Variants in CCDC88C observed in about 807,000 individuals in gnomAD.
CCDC88C encodes protein Daple.
In CCDC88C, 131 loss-of-function variants were observed where a neutral mutation model predicts 198.8. That is an observed-to-expected ratio of 0.66 (90% confidence interval 0.57 to 0.76). CCDC88C has a LOEUF of 0.76. CCDC88C is among the 30% of genes least tolerant of loss of function. The pLI, the probability that CCDC88C is intolerant of heterozygous loss-of-function variation, is 0.00. For synonymous variants in CCDC88C, 1,166 were observed against 1,114.7 expected (o/e 1.05, Z -0.92); for missense variants, 2,553 against 2,631.6 (o/e 0.97, Z 0.65).
chr14:91,372,469 C>T (rs550905342), intron 3 of CCDC88C, among the ~76,000 whole-genome samples: 22 of 136,720 alleles, frequency 1.6e-4, no homozygotes, highest in African/African-American at 3.0e-4. Context: ...AGGAGGTGGC[C>T]GGAAGCTGAA....
chr14:91,381,511 AG>A lies in CCDC88C; in HGVS notation c.271-21801del, dbSNP rs1884788492. Among the ~76,000 whole-genome samples, 4 of 152,350 alleles carry A rather than the reference AG, an allele frequency of 2.6e-5. No individual in the cohort carries two copies. The highest frequency in any genetic ancestry group is 2.6e-4 in the Admixed American group (4 of 15,310). On this transcript the variant is annotated intron_variant, in intron 3 of 29. Transcript: ENST00000389857. This position sits in a 1 kb window ranked among gnomAD's most constrained non-coding sequence, Gnocchi z 4.2. Reference sequence around the variant, plus strand: ...ACTTTCTGCCCCAGGTGGCCCCTGCAGGGGACTGCAGACTGTCTTCCATTCA... The same window carrying A: ...ACTTTCTGCCCCAGGTGGCCCCTGCAGGGACTGCAGACTGTCTTCCATTCA...
intron 28 of CCDC88C, 124 bp downstream of exon 28, chr14:91,279,114 G>T: frequency 1.3e-6 from 1 of 748,118 alleles, no homozygotes; most frequent in South Asian, 1.5e-5. Flanking sequence ...TTCCCAGGCT[G>T]GTTTCTAACT....
chr14:91,388,661 A>C (rs1484763679), intron 3 of CCDC88C, among the ~76,000 whole-genome samples: 3 of 152,226 alleles, frequency 2.0e-5, no homozygotes, highest in African/African-American at 7.2e-5. Flanking sequence ...GCCACTCGCA[A>C]AACAGAGAAT....
At position 91,325,007 on chromosome 14, in the gene CCDC88C, G is replaced by C; in HGVS notation, c.1198-84C>G. On this transcript the variant is annotated intron_variant, in intron 11 of 29. Transcript: ENST00000389857. The surrounding 1 kb of genome is among the most constrained non-coding windows in gnomAD (Gnocchi z 4.1). ...AAGCCTCAGCCCCTGTATAGCTACCGTCATGTGCTGTGGATGAAGATGTAC... is the reference window on the plus strand; with the variant it reads ...AAGCCTCAGCCCCTGTATAGCTACCCTCATGTGCTGTGGATGAAGATGTAC... 6.5e-7 allele frequency: 1 copy of C among 1,527,598 alleles called. No homozygotes were observed. Among genetic ancestry groups the C allele is most frequent in the Non-Finnish European group, 9.0e-7 (1 of 1,115,686 alleles). 94.6% of individuals were successfully genotyped at this position (1,527,598 alleles called of 1,614,324 possible).
chr14:91,408,464 A>G (rs1231916658), intron 3 of CCDC88C, 195 bp downstream of exon 3: 4 of 576,842 alleles, frequency 6.9e-6, no homozygotes, highest in Non-Finnish European at 6.3e-6. Context: ...AACATTCACC[A>G]AACAAAGGAA....
intron 23 of CCDC88C, 76 bp from the exon 24 acceptor site, chr14:91,291,160 T>G (rs1890643285): frequency 3.7e-6 from 3 of 816,880 alleles, no homozygotes; most frequent in Non-Finnish European, 4.1e-6. Flanking sequence ...CGGCCCAGCC[T>G]GGAACCTGGT....
chr14:91,367,094 C>T (rs898468984), intron 3 of CCDC88C, among the ~76,000 whole-genome samples: 8 of 152,206 alleles, frequency 5.3e-5, no homozygotes, highest in African/African-American at 1.9e-4. Context: ...TATTTTTCTC[C>T]TTCTAAGTGA....
At chr14:91,373,735 C>T (rs1409129584) in intron 3 of CCDC88C, among the ~76,000 whole-genome samples, 3 of 152,192 alleles carry the variant, frequency 2.0e-5, no homozygotes, top group Non-Finnish European at 4.4e-5. Flanking sequence ...TTTCTAATGA[C>T]TAATATCTCG....
chr14:91,311,056 C>T (rs1221645493), intron 15 of CCDC88C, among the ~76,000 whole-genome samples: 4 of 152,214 alleles, frequency 2.6e-5, no homozygotes, highest in Admixed American at 6.5e-5. Flanking sequence ...GCTGCCCTTT[C>T]ACCTGCCATG....
intron 10 of CCDC88C, among the ~76,000 whole-genome samples, chr14:91,330,501 G>A (rs1455277492): frequency 1.3e-5 from 2 of 152,192 alleles, no homozygotes; most frequent in Non-Finnish European, 2.9e-5. Context: ...GGCAGACTCT[G>A]GAGTAACATG....
chr14:91,345,215 CAG>C (rs1893496266), intron 4 of CCDC88C, among the ~76,000 whole-genome samples: 2 of 79,276 alleles, frequency 2.5e-5, no homozygotes, highest in South Asian at 8.1e-4. Flanking sequence ...TTTTTTGAGA[CAG>C]AGTCTCACTC....
chr14:91,364,205 C>CA (rs1417930591), intron 3 of CCDC88C, among the ~76,000 whole-genome samples: 1 of 152,200 alleles, frequency 6.6e-6, no homozygotes, highest in Admixed American at 6.5e-5. Flanking sequence ...AGAAGAGGGT[C>CA]AGGCTTGGCA....
chr14:91,315,729 G>A lies in CCDC88C; in HGVS notation c.1586C>T (p.Thr529Ile), dbSNP rs376473736. The A allele has an allele frequency of 1.2e-6, 2 of 1,613,662 alleles. No individual in the cohort carries two copies. Among genetic ancestry groups the A allele is most frequent in the African/African-American group, 2.7e-5 (2 of 74,896 alleles). Residue 529 changes from threonine (T) to isoleucine (I), a missense_variant, in exon 14 of 30, where the codon ACC becomes ATC. Coordinates refer to ENST00000389857, the MANE Select transcript of CCDC88C (RefSeq NM_001080414.4). ...CTCTCTGATCAGCTCCTCACTGAGG[G>A]TCTCCAGATCTTGGTTGCTCTGCTT... is the stretch of plus-strand genomic sequence containing the variant. ...REKQSNQDLE[T>I]LSEELIREKE...
At chr14:91,321,835 C>A (rs748880842) in intron 12 of CCDC88C, among the ~76,000 whole-genome samples, 3 of 151,936 alleles carry the variant, frequency 2.0e-5, no homozygotes, top group African/African-American at 4.8e-5. Flanking sequence ...TGTGACTTCA[C>A]AATTATGTTG....
chr14:91,284,051 T>C lies in CCDC88C; in HGVS notation c.4442-534A>G, dbSNP rs945539845. ...GGTGAGACGAACTGCAAGAAAATTT[T>C]TACCTTGTGTCTTGTGCTTTTCTGA... is the stretch of plus-strand genomic sequence containing the variant. On this transcript the variant is annotated intron_variant, in intron 25 of 29. Transcript: ENST00000389857. This position sits in a 1 kb window ranked among gnomAD's most constrained non-coding sequence, Gnocchi z 4.1. 6.6e-6 allele frequency among the ~76,000 whole-genome samples: 1 copy of C among 152,240 alleles called. No homozygotes were observed. Among genetic ancestry groups the C allele is most frequent in the Non-Finnish European group, 1.5e-5 (1 of 68,038 alleles).
Position 91,417,611 on chromosome 14 carries a change from G to T in CCDC88C, c.60+20C>A. ...GAAGCCGGTGCACCAACAAAGGGGC[G>T]GGGAGCCAGGCGCACTCACCCAGGT... is the stretch of plus-strand genomic sequence containing the variant. On this transcript the variant is annotated intron_variant, in intron 1 of 29. Coordinates refer to ENST00000389857, the MANE Select transcript of CCDC88C (RefSeq NM_001080414.4). The T allele has an allele frequency of 6.3e-7, 1 of 1,580,002 alleles. No individual in the cohort carries two copies. The highest frequency in any genetic ancestry group is 1.4e-5 in the African/African-American group (1 of 71,748).
rs1351336074 is a variant in CCDC88C, at chr14:91,339,911, G to A, written c.597C>T (p.Leu199=). The change falls in exon 7 of 30, where the codon CTC becomes CTT. Residue 199 remains leucine, a synonymous_variant. Coordinates refer to ENST00000389857, the MANE Select transcript of CCDC88C (RefSeq NM_001080414.4). The surrounding 1 kb of genome is among the most constrained non-coding windows in gnomAD (Gnocchi z 5.8). ...SRSMVLHLRR[L]IDQRDECTEL... is the part of the protein sequence containing the mutation. ...CGGTGCACTCGTCCCGCTGGTCGAT[G>A]AGCCTCCGCAGGTGGAGCACCATGC... 1.3e-6 allele frequency: 2 copies of A among 1,592,378 alleles called. No individual in the cohort carries two copies. Among genetic ancestry groups the A allele is most frequent in the Admixed American group, 1.7e-5 (1 of 57,546 alleles).
rs961485153 is a variant in CCDC88C, at chr14:91,381,981, C to T, written c.271-22270G>A. 6.6e-6 allele frequency among the ~76,000 whole-genome samples: 1 copy of T among 152,156 alleles called. No individual in the cohort carries two copies. The highest frequency in any genetic ancestry group is 1.5e-5 in the Non-Finnish European group (1 of 68,030). On this transcript the variant is annotated intron_variant, in intron 3 of 29. Transcript: ENST00000389857. This position sits in a 1 kb window ranked among gnomAD's most constrained non-coding sequence, Gnocchi z 4.2. Reference sequence around the variant, plus strand: ...ACGACATCTTGTCTTCATTGTTTCACACTTTGACTCATCCTCTACTAGGAT... The same window carrying T: ...ACGACATCTTGTCTTCATTGTTTCATACTTTGACTCATCCTCTACTAGGAT...
At chr14:91,293,486 CTTCCCATCCTCACCTGCCACGGCCT>C (rs1890817897) in intron 23 of CCDC88C, among the ~76,000 whole-genome samples, 5 of 127,366 alleles carry the variant, frequency 3.9e-5, no homozygotes, top group Middle Eastern at 4.5e-3. Context: ...CACAGCTCAC[CTTCCCATCCTCACCTGCCACGGCCT>C]ACCTTCCTGT....
Sources: allele counts gnomAD v4.1 joint callset (sites outside exome capture counted in the v4.1 genomes callset), GRCh38; gene constraint gnomAD v4.1.1; non-coding constraint Gnocchi (gnomAD v3.1); transcripts MANE v1.5; gene names NCBI Gene and HGNC (gene_info 2026-07-23, HGNC 2026-07-21).